EVC: variants seen among roughly 807,000 people sequenced by gnomAD.
EVC encodes the protein EvC ciliary complex subunit 1, also known as evC complex member EVC.
EVC carries 116 observed loss-of-function variants against 118.9 expected under a neutral mutation model. The ratio of observed to expected loss-of-function variants is 0.98; its 90% CI spans 0.84 to 1.14. The LOEUF is 1.14. EVC is among the 50% of genes most tolerant of loss of function. EVC has a pLI of 0.00. For missense variants in EVC, 1,401 were observed against 1,246.4 expected, an observed-to-expected ratio of 1.12 and a Z score of -1.87; for synonymous variants, 619 against 534.7, an observed-to-expected ratio of 1.16 and a Z score of -2.18.
Position 5,788,843 on chromosome 4 carries a change from A to C in EVC, c.1777-4765A>C, listed in dbSNP as rs532681408. 2.6e-5 allele frequency among the ~76,000 whole-genome samples: 4 copies of C among 152,316 alleles called. No individual in the cohort carries two copies. The South Asian group carries it at 8.3e-4, about 32-fold the overall frequency. On this transcript the variant is annotated intron_variant, in intron 12 of 20. Transcript: ENST00000264956. ...CTTGTCCAACCCACAGGCTGCATGC[A>C]GCCCAACACAAATTCATAAACTTTC...
intron 12 of EVC, among the ~76,000 whole-genome samples, chr4:5,790,889 T>A (rs1341238004): frequency 6.6e-6 from 1 of 151,222 alleles, no homozygotes; most frequent in Non-Finnish European, 1.5e-5. Flanking sequence ...AGGTCAGGAG[T>A]TCAAGACCAG....
chr4:5,815,625 G>A (rs114642207), downstream of EVC, among the ~76,000 whole-genome samples: 26 of 152,318 alleles, frequency 1.7e-4, no homozygotes, highest in African/African-American at 6.0e-4. Flanking sequence ...AGGGAGAGGG[G>A]CCAGGGAAGT....
chr4:5,804,879 C>A, intron 17 of EVC, 38 bp downstream of exon 17: 1 of 1,534,086 alleles, frequency 6.5e-7, no homozygotes, highest in Non-Finnish European at 9.0e-7. Flanking sequence ...GGGCTGTTCT[C>A]TACCCCATTC....
At chr4:5,770,163 G>C (rs1045953325) in intron 11 of EVC, among the ~76,000 whole-genome samples, 2 of 152,136 alleles carry the variant, frequency 1.3e-5, no homozygotes, top group African/African-American at 2.4e-5. Context: ...GGCACACAGA[G>C]TGTCACCAAG....
At chr4:5,817,607 T>C (rs2152416182), downstream of EVC, among the ~76,000 whole-genome samples, 1 of 152,312 alleles carries the variant, frequency 6.6e-6, no homozygotes, top group South Asian at 2.1e-4. Context: ...GAAACTTCTT[T>C]TCATGGTTTT....
chr4:5,766,395 TCTC>T lies in EVC; in HGVS notation c.1563+10034_1563+10036del, dbSNP rs1319664403. ...CAATTATGTGTCTTGGAGTTGCTCT[TCTC>T]GAGGAGTATCTTGGTGGCGTTCTCT... On this transcript the variant is annotated intron_variant, in intron 11 of 20. Transcript: ENST00000264956. Among the ~76,000 whole-genome samples, 221 of 137,576 alleles carry T rather than the reference TCTC, an allele frequency of 1.6e-3. 1 individual carries two copies. The highest frequency in any genetic ancestry group is 5.9e-3 in the African/African-American group (211 of 35,802). 90.3% of individuals were successfully genotyped at this position (137,576 alleles called of 152,430 possible).
At chr4:5,715,291 T>A (rs1309971001) in intron 1 of EVC, among the ~76,000 whole-genome samples, 1 of 152,242 alleles carries the variant, frequency 6.6e-6, no homozygotes, top group Non-Finnish European at 1.5e-5. Flanking sequence ...CTGGTTATTC[T>A]CTAGACAGCT....
intron 11 of EVC, among the ~76,000 whole-genome samples, chr4:5,782,849 GA>G (rs1239051182): frequency 6.6e-6 from 1 of 152,134 alleles, no homozygotes; most frequent in East Asian, 1.9e-4. Context: ...GGGTGGAAGG[GA>G]AGACAAAGAG....
At chr4:5,825,681 GTGAT>G in the EVC span, 1 of 1,610,640 alleles carries the variant, frequency 6.2e-7, no homozygotes. The surrounding 1 kb of genome is among the most constrained non-coding windows in gnomAD (Gnocchi z 4.4). Context: ...AAGGGAGAGT[GTGAT>G]TGATCGACAC....
rs532386294 is a variant in EVC, at chr4:5,731,568, C to A, written c.528C>A (p.Ser176=). The change falls in exon 4 of 21, where the codon TCC becomes TCA. Residue 176 remains serine (S), a synonymous_variant. Coordinates refer to ENST00000264956, the MANE Select transcript of EVC (RefSeq NM_153717.3). This position sits in a 1 kb window ranked among gnomAD's most constrained non-coding sequence, Gnocchi z 5.6. The part of the protein sequence containing the change: ...QGEKDDCSSS[S]SVHSATSDDR... The stretch of plus-strand genomic sequence containing the variant: ...AGAAGGACGACTGCAGCTCCTCATC[C>A]AGCGTCCACTCGGCCACCAGCGATG... 6.2e-7 allele frequency: 1 copy of A among 1,614,136 alleles called. No individual in the cohort carries two copies. The highest frequency in any genetic ancestry group is 1.3e-5 in the African/African-American group (1 of 75,032).
At chr4:5,786,155 A>G (rs1711546964) in intron 12 of EVC, among the ~76,000 whole-genome samples, 1 of 152,222 alleles carries the variant, frequency 6.6e-6, no homozygotes, top group Non-Finnish European at 1.5e-5. Context: ...CCTCAGAACT[A>G]CACCTTCTAT....
chr4:5,770,902 A>G (rs774846999), intron 11 of EVC, among the ~76,000 whole-genome samples: 1 of 151,978 alleles, frequency 6.6e-6, no homozygotes, highest in Non-Finnish European at 1.5e-5. Flanking sequence ...AATCCCAGCT[A>G]CTTGGGAGGC....
intron 8 of EVC, among the ~76,000 whole-genome samples, chr4:5,748,579 TCCACCC>T (rs1729769506): frequency 9.8e-6 from 1 of 101,728 alleles, no homozygotes; most frequent in South Asian, 3.5e-4. Context: ...CATCCATCCA[TCCACCC>T]ATCCATCCAT....
intron 11 of EVC, among the ~76,000 whole-genome samples, chr4:5,761,710 T>C (rs977450823): frequency 1.3e-5 from 2 of 151,904 alleles, no homozygotes; most frequent in African/African-American, 2.4e-5. Flanking sequence ...TGGAGTCTTT[T>C]GAAAGGGCGG....
At chr4:5,825,867 ACACATC>A in the EVC span, 7 of 563,534 alleles carry the variant, frequency 1.2e-5, no homozygotes, top group Middle Eastern at 4.5e-4. The surrounding 1 kb of genome is among the most constrained non-coding windows in gnomAD (Gnocchi z 4.4). Context: ...ATGCATACAC[ACACATC>A]TACATACCCA....
intron 3 of EVC, among the ~76,000 whole-genome samples, chr4:5,730,628 A>G (rs1386430365): frequency 1.3e-5 from 2 of 151,970 alleles, no homozygotes; most frequent in African/African-American, 4.8e-5. Context: ...AATGCAGGAC[A>G]GTGCATGATG....
Position 5,808,233 on chromosome 4 carries a change from A to T in EVC, c.2594A>T (p.Gln865Leu). Residue 865 changes from glutamine (Q) to leucine (L), a missense_variant, in exon 18 of 21, where the codon CAG becomes CTG. Physicochemically the swap from Gln to Leu is moderately radical, Grantham distance 113. Coordinates refer to ENST00000264956, the MANE Select transcript of EVC (RefSeq NM_153717.3). ...TCCCAGCAGAAGAGGTTCCTGGCCC[A>T]GTTCCCAGTGCACCAGCAGATGCGT... is the stretch of plus-strand genomic sequence containing the variant. Reference protein sequence around the residue: ...MLSQQKRFLAQFPVHQQMRLH... With the variant: ...MLSQQKRFLALFPVHQQMRLH... 1 of 1,548,702 alleles carries T rather than the reference A, an allele frequency of 6.5e-7. No individual in the cohort carries two copies. Among genetic ancestry groups the T allele is most frequent in the Non-Finnish European group, 8.8e-7 (1 of 1,142,042 alleles).
intron 18 of EVC, 142 bp downstream of exon 18, chr4:5,808,469 G>C: frequency 1.5e-6 from 2 of 1,367,978 alleles, no homozygotes; most frequent in Non-Finnish European, 2.0e-6. Context: ...AGTCTCACCT[G>C]CTGAGGGTGT....
chr4:5,726,496 C>G (rs910472782), intron 2 of EVC, among the ~76,000 whole-genome samples: 1 of 151,500 alleles, frequency 6.6e-6, no homozygotes, highest in Non-Finnish European at 1.5e-5. Context: ...GGAGGTGATT[C>G]CTGAGCAGGA....
Sources: gnomAD v4.1 joint callset for allele counts (sites outside exome capture counted in the v4.1 genomes callset) on GRCh38, gnomAD v4.1.1 for gene constraint, Gnocchi (gnomAD v3.1) non-coding constraint, MANE v1.5 for transcripts, NCBI Gene and HGNC (gene_info 2026-07-23, HGNC 2026-07-21) for gene names.